Variants in PTBP3 observed in about 807,000 individuals in gnomAD.
PTBP3 encodes polypyrimidine tract-binding protein 3.
PTBP3 carries 20 observed loss-of-function variants against 58.7 expected under a neutral mutation model. The ratio of observed to expected loss-of-function variants is 0.34; its 90% confidence interval spans 0.24 to 0.50. The LOEUF is 0.50. PTBP3 is among the 20% of genes least tolerant of loss of function. The pLI is 0.98. For missense variants in PTBP3, 509 were observed against 637.2 expected (o/e 0.80, Z 2.17); for synonymous variants, 185 against 219.8 (o/e 0.84, Z 1.40).
the PTBP3 span, among the ~76,000 whole-genome samples, chr9:112,366,933 G>A: frequency 6.6e-6 from 1 of 152,242 alleles, no homozygotes; most frequent in African/African-American, 2.4e-5. Context: ...GCCCAGGACT[G>A]TGGGAACTCA....
At chr9:112,373,099 T>C in the PTBP3 span, among the ~76,000 whole-genome samples, 1 of 152,044 alleles carries the variant, frequency 6.6e-6, no homozygotes, top group African/African-American at 2.4e-5. Flanking sequence ...GCTTTCACCG[T>C]GTTAGCCAGG....
the PTBP3 span, among the ~76,000 whole-genome samples, chr9:112,368,029 C>A: frequency 6.6e-6 from 1 of 152,238 alleles, no homozygotes; most frequent in South Asian, 2.1e-4. Flanking sequence ...AAGTCTCACT[C>A]TGTCACCCAG....
At chr9:112,245,784 G>A (rs1462324938) in intron 7 of PTBP3, among the ~76,000 whole-genome samples, 4 of 152,106 alleles carry the variant, frequency 2.6e-5, no homozygotes, top group African/African-American at 9.7e-5. Context: ...GAGCCAGTGT[G>A]AACGGGCTCC....
At chr9:112,264,158 T>C (rs186721187) in intron 4 of PTBP3, among the ~76,000 whole-genome samples, 25 of 152,318 alleles carry the variant, frequency 1.6e-4, no homozygotes, top group Admixed American at 8.5e-4. Flanking sequence ...GAGAAATGTA[T>C]ACTTCATGTA....
chr9:112,332,873 G>A, intron 1 of PTBP3: 2 of 1,609,600 alleles, frequency 1.2e-6, no homozygotes. Context: ...CTGGTGTCGA[G>A]AAAGCGTTAA....
intron 1 of PTBP3, among the ~76,000 whole-genome samples, chr9:112,311,454 C>T (rs1049182421): frequency 6.6e-6 from 1 of 152,072 alleles, no homozygotes; most frequent in Non-Finnish European, 1.5e-5. Flanking sequence ...ACAGTTGACC[C>T]TGAACAACAT....
At chr9:112,327,876 A>G (rs945423621) in intron 1 of PTBP3, among the ~76,000 whole-genome samples, 1 of 152,126 alleles carries the variant, frequency 6.6e-6, no homozygotes, top group Non-Finnish European at 1.5e-5. Flanking sequence ...CCATGTGACA[A>G]TTTGGCATTC....
the PTBP3 span, among the ~76,000 whole-genome samples, chr9:112,361,014 G>C: frequency 6.6e-6 from 1 of 152,082 alleles, no homozygotes; most frequent in Non-Finnish European, 1.5e-5. Context: ...ATTTCAATTT[G>C]ATCAGGCATT....
Position 112,220,025 on chromosome 9 carries a change from A to C in PTBP3, c.*3826T>G, listed in dbSNP as rs1834748926. ...AATAGTAGAGTATTTTGAGTCTGGCAGTTTTGTTCTCATTAACAGATCAAG... is the reference window on the plus strand; with the variant it reads ...AATAGTAGAGTATTTTGAGTCTGGCCGTTTTGTTCTCATTAACAGATCAAG... On this transcript the variant is annotated 3_prime_UTR_variant, in exon 14 of 14. Coordinates refer to ENST00000374257, the MANE Select transcript of PTBP3 (RefSeq NM_001163788.4). The C allele has an allele frequency of 9.9e-7, 1 of 1,009,348 alleles. No individual in the cohort carries two copies. Among genetic ancestry groups the C allele is most frequent in the Admixed American group, 4.5e-5 (1 of 22,470 alleles). 62.5% of individuals were successfully genotyped at this position (1,009,348 alleles called of 1,614,324 possible). A position where few individuals can be genotyped will look rare whatever the true frequency, so the allele number is the denominator to read the frequency against.
chr9:112,254,146 AT>A (rs1836251775), intron 5 of PTBP3, among the ~76,000 whole-genome samples: 1 of 151,956 alleles, frequency 6.6e-6, no homozygotes, highest in African/African-American at 2.4e-5. Context: ...CATCTGGCTA[AT>A]TTTTTATTTT....
intron 3 of PTBP3, 126 bp from the exon 4 acceptor site, chr9:112,268,321 GA>G: frequency 2.2e-6 from 2 of 928,610 alleles, no homozygotes; most frequent in Non-Finnish European, 3.0e-6. Context: ...CCCCCAAGGG[GA>G]GGGAAAAACA....
At chr9:112,350,142 G>A in the PTBP3 span, among the ~76,000 whole-genome samples, 7 of 152,078 alleles carry the variant, frequency 4.6e-5, no homozygotes, top group Middle Eastern at 3.4e-3. Context: ...AACATCCTAT[G>A]TTCTTACTCA....
intron 2 of PTBP3, among the ~76,000 whole-genome samples, chr9:112,286,949 G>A (rs541852316): frequency 5.9e-5 from 9 of 152,000 alleles, no homozygotes; most frequent in Admixed American, 5.9e-4. Context: ...GGCTTGCACT[G>A]TATCAAGTAA....
intron 2 of PTBP3, chr9:112,280,908 T>C (rs1214896927): frequency 6.6e-6 from 1 of 152,110 alleles, no homozygotes; most frequent in Non-Finnish European, 1.5e-5. Context: ...ATGAAAGAAT[T>C]ATTTCCATGA....
chr9:112,252,111 T>TA (rs754439969), intron 6 of PTBP3: 42 of 146,146 alleles, frequency 2.9e-4, no homozygotes, highest in Admixed American at 6.2e-4. Flanking sequence ...TTTCGTGTAC[T>TA]AAAAAAAAAA....
At chr9:112,303,518 G>C (rs191496660) in intron 1 of PTBP3, among the ~76,000 whole-genome samples, 9 of 152,290 alleles carry the variant, frequency 5.9e-5, no homozygotes, top group Admixed American at 4.6e-4. Flanking sequence ...TCAGGTGCAA[G>C]ATTAACAGCC....
chr9:112,222,781 T>C lies in PTBP3; in HGVS notation c.*1070A>G, dbSNP rs1449914186. On this transcript the variant is annotated 3_prime_UTR_variant, in exon 14 of 14. Coordinates refer to ENST00000374257, the MANE Select transcript of PTBP3 (RefSeq NM_001163788.4). The stretch of plus-strand genomic sequence containing the variant: ...AGATTAAACTCTAACCTATTGTATC[T>C]TAAGCACATAATAAGGCACATAATA... 1.1e-4 allele frequency: 100 copies of C among 938,082 alleles called. No individual in the cohort carries two copies. The highest frequency in any genetic ancestry group is 1.2e-4 in the Non-Finnish European group (94 of 786,706). 58.1% of individuals were successfully genotyped at this position (938,082 alleles called of 1,614,324 possible).
intron 1 of PTBP3, among the ~76,000 whole-genome samples, chr9:112,332,571 ATAC>A (rs1830418034): frequency 6.6e-6 from 1 of 152,174 alleles, no homozygotes; most frequent in African/African-American, 2.4e-5. Context: ...GTAGGTACAG[ATAC>A]TACAACCTTC....
chr9:112,290,953 G>C (rs1828392102), intron 2 of PTBP3, among the ~76,000 whole-genome samples: 2 of 152,120 alleles, frequency 1.3e-5, no homozygotes, highest in African/African-American at 4.8e-5. Flanking sequence ...CGGGCACAGT[G>C]GCTCACACCT....
Sources: allele counts gnomAD v4.1 joint callset (sites outside exome capture counted in the v4.1 genomes callset), GRCh38; gene constraint gnomAD v4.1.1; transcripts MANE v1.5; gene names NCBI Gene and HGNC (gene_info 2026-07-23, HGNC 2026-07-21).